Variants in CREM observed in about 807,000 individuals in gnomAD.
The protein encoded by CREM is cAMP responsive element modulator, also known as cAMP-responsive element modulator.
Under a neutral mutation model 37.3 loss-of-function variants are expected in CREM, and 13 were observed. The observed-to-expected ratio is 0.35, with a 90% CI of 0.23 to 0.55. The LOEUF (loss-of-function observed/expected upper bound fraction) is 0.55. CREM is among the 20% of genes least tolerant of loss of function. The pLI is 0.88. For missense variants in CREM, 296 were observed against 362.3 expected (o/e 0.82, Z 1.49); for synonymous variants, 124 against 120.2 (o/e 1.03, Z -0.21).
chr10:35,130,025 C>T (rs1426531272), intron 1 of CREM, among the ~76,000 whole-genome samples: 6 of 151,412 alleles, frequency 4.0e-5, no homozygotes, highest in Non-Finnish European at 7.4e-5. Flanking sequence ...GAAGAAACCC[C>T]GTCTCTACTA....
intron 1 of CREM, 187 bp downstream of exon 1, chr10:35,127,380 C>T (rs897167232): frequency 2.0e-5 from 3 of 151,930 alleles, no homozygotes; most frequent in Non-Finnish European, 2.9e-5. Flanking sequence ...GCGAGTTCAC[C>T]TGACGCGGCC....
chr10:35,179,518 G>A (rs1205224408), intron 5 of CREM: 2 of 426,846 alleles, frequency 4.7e-6, no homozygotes, highest in Non-Finnish European at 4.0e-6. Flanking sequence ...GGGGTAAAAA[G>A]GAGAATTTTT....
chr10:35,202,990 A>G (rs2095422079), intron 6 of CREM, among the ~76,000 whole-genome samples: 1 of 152,136 alleles, frequency 6.6e-6, no homozygotes, highest in Admixed American at 6.5e-5. Context: ...GGAAACAGGC[A>G]AGAGTTGTTT....
At chr10:35,209,145 C>T (rs1443304910) in intron 7 of CREM, among the ~76,000 whole-genome samples, 1 of 152,160 alleles carries the variant, frequency 6.6e-6, no homozygotes. Flanking sequence ...CTCAAAAATA[C>T]CCCATGATAA....
rs2094868178 is a variant in CREM at position 35,190,604 on chromosome 10, A to C, written c.598+2216A>C. ...TATTCTTTCATATGCATTTGGAATA[A>C]GTTTGAGTTTCTAAATAGTAGTAGT... is the stretch of plus-strand genomic sequence containing the variant. On this transcript the variant is annotated intron_variant, in intron 6 of 7. Coordinates refer to ENST00000685392, the MANE Select transcript of CREM (RefSeq NM_183011.2). Among the ~76,000 whole-genome samples the C allele has an allele frequency of 2.6e-5, 4 of 152,252 alleles. No individual in the cohort carries two copies. In the South Asian group the frequency reaches 8.3e-4, roughly 32 times the overall value.
chr10:35,172,510 C>G (rs901844606), intron 3 of CREM, among the ~76,000 whole-genome samples: 13 of 151,476 alleles, frequency 8.6e-5, no homozygotes, highest in Non-Finnish European at 2.9e-5. Flanking sequence ...GGTGCCTTAA[C>G]TCAAGTCAGT....
chr10:35,142,796 C>CG lies in CREM; in HGVS notation c.44+4921dup, dbSNP rs200947148. On this transcript the variant is annotated intron_variant, in intron 2 of 7. Transcript: ENST00000685392. The stretch of plus-strand genomic sequence containing the variant: ...AACTTTTTTGTTTTCTATGTGGAGA[C>CG]GGGGTCTCACTATGTTGCCCAGTCT... Among the ~76,000 whole-genome samples, 873 of 152,190 alleles carry CG rather than the reference C, an allele frequency of 5.7e-3. 8 individuals are homozygous for CG. Among genetic ancestry groups the CG allele is most frequent in the Admixed American group, 0.014 (209 of 15,278 alleles).
chr10:35,179,182 T>A lies in CREM; in HGVS notation c.315T>A (p.Ile105=). ...CTGATGTGCCTGGTGTTCCCAAGAT[T>A]GAAGAAGAGAGATCAGAGGAAGAAG... is the stretch of plus-strand genomic sequence containing the variant. ...LSSDVPGVPK[I]EEERSEEEGT... is the part of the protein sequence containing the mutation. The change falls in exon 5 of 8, where the codon ATT becomes ATA. Residue 105 remains isoleucine (I), a synonymous_variant. Coordinates refer to ENST00000685392, the MANE Select transcript of CREM (RefSeq NM_183011.2). The A allele has an allele frequency of 6.2e-7, 1 of 1,613,952 alleles. No individual in the cohort carries two copies. The highest frequency in any genetic ancestry group is 8.5e-7 in the Non-Finnish European group (1 of 1,179,936).
At chr10:35,209,710 C>T (rs1197220160) in intron 7 of CREM, among the ~76,000 whole-genome samples, 1 of 152,138 alleles carries the variant, frequency 6.6e-6, no homozygotes, top group Non-Finnish European at 1.5e-5. Flanking sequence ...ATAATTTAAT[C>T]ATGAAAACGT....
intron 5 of CREM, 90 bp downstream of exon 5, chr10:35,179,366 T>G: frequency 6.8e-7 from 1 of 1,475,824 alleles, no homozygotes; most frequent in Non-Finnish European, 9.2e-7. Flanking sequence ...CATTAAATTG[T>G]TCCATTTTAA....
At chr10:35,199,978 C>T (rs190158816) in intron 6 of CREM, among the ~76,000 whole-genome samples, 23 of 150,108 alleles carry the variant, frequency 1.5e-4, no homozygotes, top group African/African-American at 5.4e-4. Context: ...CAACCTCTGC[C>T]TCCCAGGTTC....
At chr10:35,156,760 G>C (rs1162433941) in intron 3 of CREM, among the ~76,000 whole-genome samples, 2 of 152,180 alleles carry the variant, frequency 1.3e-5, no homozygotes, top group African/African-American at 4.8e-5. Flanking sequence ...AAAAGGTATA[G>C]GGGAGAAAAG....
At chr10:35,186,968 TTATATATTATATGTGA>T (rs2094593070) in intron 5 of CREM, among the ~76,000 whole-genome samples, 1 of 94,292 alleles carries the variant, frequency 1.1e-5, no homozygotes, top group East Asian at 2.7e-4. Flanking sequence ...AATATATAAT[TTATATATTATATGTGA>T]TATATATTAT....
At chr10:35,153,433 T>G (rs2092712951) in intron 3 of CREM, among the ~76,000 whole-genome samples, 1 of 152,190 alleles carries the variant, frequency 6.6e-6, no homozygotes, top group Non-Finnish European at 1.5e-5. Flanking sequence ...TAACAAAATG[T>G]CATTATACCT....
chr10:35,154,443 C>A (rs746851931), intron 3 of CREM: 10 of 185,834 alleles, frequency 5.4e-5, no homozygotes, highest in Non-Finnish European at 9.9e-5. Flanking sequence ...AGTTTAAGGT[C>A]AGTGTTTTAT....
chr10:35,158,827 T>G (rs1201987039), intron 3 of CREM, among the ~76,000 whole-genome samples: 1 of 144,776 alleles, frequency 6.9e-6, no homozygotes, highest in East Asian at 2.1e-4. Context: ...GTTTGTTTTT[T>G]TTTTTTTTTT....
At chr10:35,150,098 A>G (rs749540674) in intron 3 of CREM, among the ~76,000 whole-genome samples, 9 of 152,128 alleles carry the variant, frequency 5.9e-5, no homozygotes, top group Non-Finnish European at 1.3e-4. Context: ...TAGAAAGCAT[A>G]TACTTTTTCT....
At chr10:35,132,350 C>T (rs187578430) in intron 1 of CREM, among the ~76,000 whole-genome samples, 1 of 152,178 alleles carries the variant, frequency 6.6e-6, no homozygotes, top group Admixed American at 6.5e-5. Flanking sequence ...AGTTCATTTA[C>T]TGTGAAATGG....
At chr10:35,158,572 A>C (rs2093060474) in intron 3 of CREM, 1 of 163,982 alleles carries the variant, frequency 6.1e-6, no homozygotes, top group Non-Finnish European at 1.4e-5. Flanking sequence ...TGAAGTCTTG[A>C]ATAACCTCTT....
Sources: gnomAD v4.1 joint callset for allele counts (sites outside exome capture counted in the v4.1 genomes callset) on GRCh38, gnomAD v4.1.1 for gene constraint, MANE v1.5 for transcripts, NCBI Gene and HGNC (gene_info 2026-07-23, HGNC 2026-07-21) for gene names.